Variants in FMN1 observed in about 807,000 individuals in gnomAD.
The protein encoded by FMN1 is formin-1.
In FMN1, 110 loss-of-function variants were observed where a neutral mutation model predicts 132.4. The observed-to-expected ratio is 0.83, with a 90% CI of 0.71 to 0.97. The LOEUF is 0.97. Ranked by LOEUF, FMN1 falls within the 50% of genes least tolerant of loss-of-function variation. The pLI is 0.00. For missense variants in FMN1, 1,792 were observed against 1,705.3 expected, an observed-to-expected ratio of 1.05 and a Z score of -0.90; for synonymous variants, 722 against 651.7, an observed-to-expected ratio of 1.11 and a Z score of -1.64.
In FMN1 at chr15:32,951,870, C is replaced by T. The variant is rs542997447; in HGVS notation, c.3138+12237G>A. Reference sequence around the variant, plus strand: ...CCCCTGCTGCCCTACCACACTACCACCTTCCATACTTAGTCTAGTGGTGAC... The same window carrying T: ...CCCCTGCTGCCCTACCACACTACCATCTTCCATACTTAGTCTAGTGGTGAC... On this transcript the variant is annotated intron_variant, in intron 9 of 20. Transcript: ENST00000616417. Among the ~76,000 whole-genome samples, 44 of 152,212 alleles carry T rather than the reference C, an allele frequency of 2.9e-4. 1 individual carries two copies. The highest frequency in any genetic ancestry group is 1.8e-3 in the Admixed American group (27 of 15,278).
intron 17 of FMN1, among the ~76,000 whole-genome samples, chr15:32,851,461 T>C (rs1330520630): frequency 6.6e-6 from 1 of 152,164 alleles, no homozygotes; most frequent in Non-Finnish European, 1.5e-5. Flanking sequence ...ATTATGACCA[T>C]GTTTGATCTG....
chr15:32,992,827 G>T (rs186286855), intron 7 of FMN1, among the ~76,000 whole-genome samples: 18 of 152,164 alleles, frequency 1.2e-4, no homozygotes, highest in African/African-American at 4.3e-4. Context: ...CATAAAAATC[G>T]TTCATTTTTA....
intron 11 of FMN1, among the ~76,000 whole-genome samples, chr15:32,910,263 G>A (rs1280014036): frequency 6.6e-6 from 1 of 152,188 alleles, no homozygotes. Flanking sequence ...CCTTGCAAGT[G>A]TGCAATGAGA....
intron 9 of FMN1, among the ~76,000 whole-genome samples, chr15:32,929,245 A>G (rs954568152): frequency 1.3e-5 from 2 of 152,130 alleles, no homozygotes; most frequent in African/African-American, 4.8e-5. Flanking sequence ...TTTTAAGTAA[A>G]TTTTCAAAAA....
chr15:32,970,357 T>C (rs1013092692), intron 7 of FMN1, among the ~76,000 whole-genome samples: 1 of 152,218 alleles, frequency 6.6e-6, no homozygotes, highest in South Asian at 2.1e-4. Flanking sequence ...TTAACAGTAA[T>C]TAAATATTTT....
intron 18 of FMN1, among the ~76,000 whole-genome samples, chr15:32,800,032 G>C (rs1274333478): frequency 1.3e-5 from 2 of 151,954 alleles, no homozygotes; most frequent in Non-Finnish European, 2.9e-5. Context: ...CTATTCAATG[G>C]CGATTGTAAA....
chr15:33,135,677 G>A (rs577494955), intron 4 of FMN1, among the ~76,000 whole-genome samples: 5 of 152,320 alleles, frequency 3.3e-5, no homozygotes, highest in African/African-American at 1.2e-4. Context: ...GACTCTCTCT[G>A]TTGGAATGCT....
chr15:32,915,322 A>C (rs1216701170), intron 10 of FMN1, among the ~76,000 whole-genome samples: 1 of 152,256 alleles, frequency 6.6e-6, no homozygotes. Context: ...TTAGAGAATC[A>C]ATGAATGCTC....
chr15:32,992,902 G>C (rs1009271815), intron 7 of FMN1, among the ~76,000 whole-genome samples: 2 of 152,200 alleles, frequency 1.3e-5, no homozygotes, highest in East Asian at 3.8e-4. Flanking sequence ...ACTAGACCAA[G>C]TAATACTAAT....
intron 5 of FMN1, among the ~76,000 whole-genome samples, chr15:33,085,440 T>C (rs1027054391): frequency 2.0e-5 from 3 of 151,886 alleles, no homozygotes; most frequent in Non-Finnish European, 4.4e-5. Context: ...ATTTTAGTTT[T>C]ATAATTCTGA....
At chr15:32,845,723 T>C (rs563946029) in intron 17 of FMN1, among the ~76,000 whole-genome samples, 1 of 152,292 alleles carries the variant, frequency 6.6e-6, no homozygotes, top group East Asian at 1.9e-4. Flanking sequence ...AAGTATAGCA[T>C]GCTCCCCAAT....
chr15:32,990,269 G>A (rs1234915213), intron 7 of FMN1, among the ~76,000 whole-genome samples: 2 of 152,124 alleles, frequency 1.3e-5, no homozygotes, highest in Non-Finnish European at 2.9e-5. Context: ...TGCTGCAGAG[G>A]CAACACTGGG....
rs145013933 is a variant in FMN1 at position 32,798,901 on chromosome 15, CCTT to C, written c.4030_4032del (p.Lys1344del). On this transcript the variant is annotated inframe_deletion, in exon 19 of 21. Transcript: ENST00000616417. ...ATAAACACGTAGCTGGGTGTGATCT[CCTT>C]CTCACCAGACTTTGGCTTCATCCCA... The C allele has an allele frequency of 0.039, 62,806 of 1,613,356 alleles. 1,536 individuals carry two copies. Among genetic ancestry groups the C allele is most frequent in the Admixed American group, 0.1 (6,275 of 59,916 alleles).
At chr15:32,992,832 T>C (rs2033522005) in intron 7 of FMN1, among the ~76,000 whole-genome samples, 1 of 152,206 alleles carries the variant, frequency 6.6e-6, no homozygotes. Flanking sequence ...AAATCGTTCA[T>C]TTTTACGGAG....
At chr15:32,859,483 T>C in intron 16 of FMN1, among the ~76,000 whole-genome samples, 1 of 152,360 alleles carries the variant, frequency 6.6e-6, no homozygotes, top group South Asian at 2.1e-4. Flanking sequence ...ATGCCATACA[T>C]TCTTTCAACA....
chr15:33,068,573 T>C (rs953164469), intron 5 of FMN1, among the ~76,000 whole-genome samples: 3 of 151,910 alleles, frequency 2.0e-5, no homozygotes, highest in East Asian at 1.9e-4. Flanking sequence ...AAGAAAGCAA[T>C]AGATCATCTC....
chr15:33,151,081 G>A (rs1225254723), intron 4 of FMN1: 14 of 1,318,774 alleles, frequency 1.1e-5, no homozygotes, highest in Admixed American at 3.0e-5. Flanking sequence ...GACTCACAGC[G>A]ACAGGAAAGG....
intron 6 of FMN1, chr15:33,064,487 T>G (rs1566881306): frequency 6.6e-6 from 1 of 152,382 alleles, no homozygotes; most frequent in East Asian, 1.9e-4. Context: ...AAGCTTTGTC[T>G]CACAAAAGTG....
chr15:32,777,053 A>G, intron 19 of FMN1, 134 bp from the exon 20 acceptor site: 1 of 572,456 alleles, frequency 1.7e-6, no homozygotes, highest in Non-Finnish European at 3.1e-6. Flanking sequence ...CAATTTGAAA[A>G]TACTGAAATG....
Sources: allele counts gnomAD v4.1 joint callset (sites outside exome capture counted in the v4.1 genomes callset), GRCh38; gene constraint gnomAD v4.1.1; transcripts MANE v1.5; gene names NCBI Gene and HGNC (gene_info 2026-07-23, HGNC 2026-07-21).